Variants in FERMT1 observed in about 807,000 individuals in gnomAD.
The protein encoded by FERMT1 is FERM domain containing kindlin 1, also known as fermitin family homolog 1.
Under a neutral mutation model 85.3 loss-of-function variants are expected in FERMT1, and 60 were observed. That is an observed-to-expected ratio of 0.70 (90% confidence interval 0.57 to 0.87). FERMT1 has a LOEUF of 0.87. FERMT1 is among the 40% of genes least tolerant of loss of function. FERMT1 has a pLI of 0.00. For synonymous variants in FERMT1, 275 were observed against 301.1 expected (o/e 0.91, Z 0.90); for missense variants, 701 against 818.9 (o/e 0.86, Z 1.76).
In FERMT1 at chr20:6,077,293, T is replaced by C; in HGVS notation, c.1914A>G (p.Ala638=). The C allele has an allele frequency of 6.2e-7, 1 of 1,614,180 alleles. No individual in the cohort carries two copies. Among genetic ancestry groups the C allele is most frequent in the South Asian group, 1.1e-5 (1 of 91,088 alleles). Residue 638 remains alanine, a synonymous_variant, in exon 15 of 15, where the codon GCA becomes GCG. Coordinates refer to ENST00000217289, the MANE Select transcript of FERMT1 (RefSeq NM_017671.5). Reference sequence around the variant, plus strand: ...TGTACTCGTGCACAATCTTGCAATCTGCACTCAGGCAGGTGAAAGCAGTAA... The same window carrying C: ...TGTACTCGTGCACAATCTTGCAATCCGCACTCAGGCAGGTGAAAGCAGTAA... ...NVFTAFTCLS[A]DCKIVHEYIG...
rs6117068 is a variant in FERMT1, at chr20:6,077,563, T to C, written c.1861-217A>G. Among the ~76,000 whole-genome samples the C allele has an allele frequency of 0.2, 29,809 of 152,114 alleles. 3,813 individuals carry two copies. The highest frequency in any genetic ancestry group is 0.57 in the East Asian group (2,926 of 5,144). On this transcript the variant is annotated intron_variant, in intron 14 of 14. Coordinates refer to ENST00000217289, the MANE Select transcript of FERMT1 (RefSeq NM_017671.5). ...CTGGTGGTGTCGACTTTGCTGCACG[T>C]CTGGTTAAAAAAACTCCCAACACAT...
intron 8 of FERMT1, among the ~76,000 whole-genome samples, 190 bp downstream of exon 8, chr20:6,096,712 T>C (rs1982507095): frequency 6.6e-6 from 1 of 150,944 alleles, no homozygotes; most frequent in South Asian, 2.1e-4. Context: ...GAGATGAAAA[T>C]ATAGTCCCTT....
At chr20:6,095,627 G>A (rs1982479550) in intron 8 of FERMT1, among the ~76,000 whole-genome samples, 2 of 152,108 alleles carry the variant, frequency 1.3e-5, no homozygotes, top group African/African-American at 2.4e-5. Context: ...AAGGGAGGGA[G>A]GACATAACTT....
intron 6 of FERMT1, among the ~76,000 whole-genome samples, chr20:6,106,125 C>T (rs6053908): frequency 0.13 from 19,871 of 152,088 alleles, 1,722 homozygotes; most frequent in African/African-American, 0.25. Context: ...AAGCCAATTG[C>T]GTAGGAGAAG....
At chr20:6,097,495 C>T (rs1982539152) in intron 7 of FERMT1, 29 bp downstream of exon 7, 1 of 1,516,238 alleles carries the variant, frequency 6.6e-7, no homozygotes, top group South Asian at 1.1e-5. Context: ...TTGTCTCCTT[C>T]CAGAGAAAAG....
chr20:6,107,623 G>A lies in FERMT1; in HGVS notation c.758C>T (p.Ser253Phe). 6.2e-7 allele frequency: 1 copy of A among 1,604,750 alleles called. No homozygotes were observed. The highest frequency in any genetic ancestry group is 1.1e-5 in the South Asian group (1 of 90,872). The change falls in exon 6 of 15, where the codon TCC (serine) becomes TTC (phenylalanine). Residue 253 changes from serine (S) to phenylalanine (F), a missense_variant. Ser to Phe is a radical substitution (Grantham distance 155, BLOSUM62 -2). Coordinates refer to ENST00000217289, the MANE Select transcript of FERMT1 (RefSeq NM_017671.5). ...KAKLNAGWLD[S>F]SRSLMEQGIQ... is the part of the protein sequence containing the mutation. ...GCCTTGTTCCATAAGGGAGCGTGAG[G>A]AGTCTAGCCAACTAGAAAATGACAG... is the stretch of plus-strand genomic sequence containing the variant.
intron 4 of FERMT1, among the ~76,000 whole-genome samples, chr20:6,112,201 CTT>C (rs1982970558): frequency 1.3e-5 from 2 of 152,190 alleles, no homozygotes. Context: ...AAATATCACT[CTT>C]TTATCCCAAA....
Position 6,115,424 on chromosome 20 carries a change from A to G in FERMT1, c.385+387T>C, listed in dbSNP as rs377648043. ...GCAATTAAGACTTTGGAACACCATT[A>G]TCTCAAAAACAATAAAGACACATAG... On this transcript the variant is annotated intron_variant, in intron 3 of 14. Transcript: ENST00000217289. Among the ~76,000 whole-genome samples, 4 of 152,216 alleles carry G rather than the reference A, an allele frequency of 2.6e-5. No homozygotes were observed. The South Asian group carries it at 6.2e-4, about 24-fold the overall frequency.
chr20:6,096,704 G>A (rs1432177820), intron 8 of FERMT1, among the ~76,000 whole-genome samples, 198 bp downstream of exon 8: 1 of 149,882 alleles, frequency 6.7e-6, no homozygotes, highest in Non-Finnish European at 1.5e-5. Flanking sequence ...CATTAGTAGA[G>A]ATGAAAATAT....
rs759805746 is a variant in FERMT1, at chr20:6,097,620, G to T, written c.861C>A (p.Val287=). Residue 287 remains valine (V), a synonymous_variant, in exon 7 of 15, where the codon GTC becomes GTA. Transcript: ENST00000217289. The part of the protein sequence containing the change: ...FFDLNPKYDA[V]RINQLYEQAR... ...CTTGCTCATAGAGTTGGTTTATTCGGACAGCATCATACTAGAGACAAAAAC... is the reference window on the plus strand; with the variant it reads ...CTTGCTCATAGAGTTGGTTTATTCGTACAGCATCATACTAGAGACAAAAAC... 1 of 1,612,252 alleles carries T rather than the reference G, an allele frequency of 6.2e-7. No homozygotes were observed. The highest frequency in any genetic ancestry group is 1.1e-5 in the South Asian group (1 of 91,050).
chr20:6,078,643 T>G (rs937794436), intron 14 of FERMT1, among the ~76,000 whole-genome samples: 3 of 138,874 alleles, frequency 2.2e-5, no homozygotes, highest in South Asian at 2.4e-4. Flanking sequence ...GTTTTTTTTT[T>G]TTGTTTTTTT....
At position 6,104,705 on chromosome 20, in the gene FERMT1, A is replaced by G. The variant is rs1346020308; in HGVS notation, c.849+2827T>C. On this transcript the variant is annotated intron_variant, in intron 6 of 14. Transcript: ENST00000217289. The surrounding 1 kb of genome is among the most constrained non-coding windows in gnomAD (Gnocchi z 4.2). Reference sequence around the variant, plus strand: ...GGCAGAGGCTGGAGGCCAAAGAGCCAGAGACAACAGCCCTTGTGACCCTCA... The same window carrying G: ...GGCAGAGGCTGGAGGCCAAAGAGCCGGAGACAACAGCCCTTGTGACCCTCA... Among the ~76,000 whole-genome samples the G allele has an allele frequency of 6.6e-6, 1 of 152,236 alleles. No homozygotes were observed. The highest frequency in any genetic ancestry group is 1.5e-5 in the Non-Finnish European group (1 of 68,034).
At chr20:6,083,819 C>G (rs182017887) in intron 13 of FERMT1, among the ~76,000 whole-genome samples, 1 of 152,034 alleles carries the variant, frequency 6.6e-6, no homozygotes, top group Non-Finnish European at 1.5e-5. Flanking sequence ...TTTAAAATTT[C>G]CTTTCCCACA....
intron 5 of FERMT1, among the ~76,000 whole-genome samples, chr20:6,109,410 CCATGGGAG>C (rs1982884207): frequency 6.6e-6 from 1 of 152,094 alleles, no homozygotes; most frequent in Non-Finnish European, 1.5e-5. Context: ...CGGCACGGGG[CCATGGGAG>C]CATGGGAGGA....
intron 6 of FERMT1, among the ~76,000 whole-genome samples, chr20:6,106,716 TGGTGACCAGCTG>T (rs1180773176): frequency 6.6e-6 from 1 of 152,192 alleles, no homozygotes; most frequent in African/African-American, 2.4e-5. Flanking sequence ...AAAATAGAAT[TGGTGACCAGCTG>T]GGTGACCAGG....
At chr20:6,116,886 T>C (rs1983118249) in intron 2 of FERMT1, among the ~76,000 whole-genome samples, 1 of 152,230 alleles carries the variant, frequency 6.6e-6, no homozygotes, top group Admixed American at 6.5e-5. Flanking sequence ...AGCATCTGAC[T>C]TTGTTTAATC....
intron 13 of FERMT1, among the ~76,000 whole-genome samples, chr20:6,080,936 C>T (rs756936547): frequency 6.6e-6 from 1 of 152,050 alleles, no homozygotes; most frequent in Non-Finnish European, 1.5e-5. Context: ...TAAATGAAGT[C>T]AAAAGAATGG....
At position 6,094,991 on chromosome 20, in the gene FERMT1, A is replaced by T. The variant is rs1319110457; in HGVS notation, c.1090-3T>A. 2 of 1,512,776 alleles carry T rather than the reference A, an allele frequency of 1.3e-6. No homozygotes were observed. Among genetic ancestry groups the T allele is most frequent in the African/African-American group, 2.7e-5 (2 of 72,984 alleles). 93.7% of individuals were successfully genotyped at this position (1,512,776 alleles called of 1,614,324 possible). A position where few individuals can be genotyped will look rare whatever the true frequency, so the allele number is the denominator to read the frequency against. Reference sequence around the variant, plus strand: ...TTAGGGATATCAGTAATGTCCTCCTAAGAAAAAACAAATAAAGTTTCAAAA... The same window carrying T: ...TTAGGGATATCAGTAATGTCCTCCTTAGAAAAAACAAATAAAGTTTCAAAA... On this transcript the variant is annotated splice_polypyrimidine_tract_variant and splice_region_variant and intron_variant, in intron 8 of 14. Transcript: ENST00000217289.
In FERMT1 at chr20:6,119,522, G is replaced by T; in HGVS notation, c.33C>A (p.Ser11=). MLSSTDFTFA[S]WELVVRVDHP... ...GGTCAACGCGGACCACAAGCTCCCA[G>T]GAAGCAAATGTAAAGTCAGTGGATG... Residue 11 remains serine, a synonymous_variant, in exon 2 of 15, where the codon TCC becomes TCA. Coordinates refer to ENST00000217289, the MANE Select transcript of FERMT1 (RefSeq NM_017671.5). 1.2e-6 allele frequency: 2 copies of T among 1,614,180 alleles called. No homozygotes were observed. The highest frequency in any genetic ancestry group is 1.7e-6 in the Non-Finnish European group (2 of 1,180,040).
Sources: allele counts gnomAD v4.1 joint callset (sites outside exome capture counted in the v4.1 genomes callset), GRCh38; gene constraint gnomAD v4.1.1; non-coding constraint Gnocchi (gnomAD v3.1); transcripts MANE v1.5; gene names NCBI Gene and HGNC (gene_info 2026-07-23, HGNC 2026-07-21).